The following GRID2 variants were observed in gnomAD, a reference collection of about 807,000 sequenced individuals.
GRID2 encodes glutamate ionotropic receptor delta type subunit 2, also known as glutamate receptor ionotropic, delta-2.
GRID2 carries 33 observed loss-of-function variants against 114.8 expected under a neutral mutation model. The ratio of observed to expected loss-of-function variants is 0.29; its 90% CI spans 0.22 to 0.38. GRID2 has a LOEUF of 0.38. Among genes scored for constraint, GRID2 ranks in the 10% least tolerant of loss-of-function variants. The pLI is 1.00. For missense variants in GRID2, 1,184 were observed against 1,257.7 expected, an observed-to-expected ratio of 0.94 and a Z score of 0.89; for synonymous variants, 505 against 449.9, an observed-to-expected ratio of 1.12 and a Z score of -1.55.
At chr4:92,922,402 T>C (rs1248205694) in intron 2 of GRID2, among the ~76,000 whole-genome samples, 2 of 151,998 alleles carry the variant, frequency 1.3e-5, no homozygotes, top group Non-Finnish European at 2.9e-5. Context: ...AGTACCTCAG[T>C]TGGAAATGCA....
chr4:93,678,203 G>T (rs568203616), intron 14 of GRID2, among the ~76,000 whole-genome samples: 1 of 152,238 alleles, frequency 6.6e-6, no homozygotes, highest in South Asian at 2.1e-4. Context: ...TGAATGAAAT[G>T]AAGCAAGAAG....
At chr4:93,808,827 T>G (rs963675362) in exon 2 of GRID2, 1 of 152,068 alleles carries the variant, frequency 6.6e-6, no homozygotes, top group Non-Finnish European at 1.5e-5. Flanking sequence ...CACCAGCCAT[T>G]CCAGGAAAGC....
chr4:92,940,647 G>T (rs1313545740), intron 2 of GRID2, among the ~76,000 whole-genome samples: 6 of 152,050 alleles, frequency 3.9e-5, no homozygotes, highest in Non-Finnish European at 7.4e-5. Context: ...TCTTGTGCCA[G>T]TTTTCAAAGG....
At chr4:92,732,708 T>C (rs1457361250) in intron 2 of GRID2, among the ~76,000 whole-genome samples, 1 of 152,108 alleles carries the variant, frequency 6.6e-6, no homozygotes, top group Non-Finnish European at 1.5e-5. Context: ...ATAGTGATAC[T>C]CCTTTCATCT....
chr4:93,011,758 GT>G (rs1341448384), intron 2 of GRID2, among the ~76,000 whole-genome samples: 1 of 152,030 alleles, frequency 6.6e-6, no homozygotes, highest in Non-Finnish European at 1.5e-5. Context: ...AGATGGCTTA[GT>G]TTTTATCCAC....
chr4:93,469,070 C>G (rs929732573), intron 11 of GRID2, among the ~76,000 whole-genome samples: 4 of 152,060 alleles, frequency 2.6e-5, no homozygotes, highest in African/African-American at 9.7e-5. Flanking sequence ...CACATGTTAA[C>G]AAGTAAATCA....
intron 1 of GRID2, among the ~76,000 whole-genome samples, chr4:92,360,747 A>T (rs907778526): frequency 2.0e-5 from 3 of 151,932 alleles, no homozygotes; most frequent in Non-Finnish European, 4.4e-5. Context: ...ATGGAAGACC[A>T]TATTGAGTCT....
At chr4:93,728,260 A>G (rs1039131259) in intron 14 of GRID2, among the ~76,000 whole-genome samples, 32 of 152,030 alleles carry the variant, frequency 2.1e-4, no homozygotes, top group African/African-American at 5.3e-4. Context: ...AGTCATTCAG[A>G]AGCAGGTTGT....
intron 1 of GRID2, among the ~76,000 whole-genome samples, chr4:92,436,531 T>A (rs561073399): frequency 6.6e-6 from 1 of 152,234 alleles, no homozygotes; most frequent in East Asian, 1.9e-4. Flanking sequence ...GTTTACATTT[T>A]TGAATTTGTT....
chr4:92,603,483 T>C (rs1729317784), intron 2 of GRID2, among the ~76,000 whole-genome samples: 1 of 152,148 alleles, frequency 6.6e-6, no homozygotes, highest in Admixed American at 6.5e-5. Flanking sequence ...CTGGGAAAAC[T>C]GGCCAGCCAT....
intron 2 of GRID2, among the ~76,000 whole-genome samples, chr4:92,987,685 T>C (rs1754594305): frequency 6.6e-6 from 1 of 152,108 alleles, no homozygotes; most frequent in African/African-American, 2.4e-5. Context: ...TTTCTTCTAA[T>C]GAGATGATAT....
intron 2 of GRID2, among the ~76,000 whole-genome samples, chr4:93,054,988 CACTG>C (rs781568868): frequency 2.3e-4 from 35 of 151,868 alleles, no homozygotes; most frequent in Admixed American, 1.3e-4. Context: ...AGTACTATGT[CACTG>C]ACTATTATCT....
chr4:92,959,793 G>C (rs919208133), intron 2 of GRID2, among the ~76,000 whole-genome samples: 21 of 152,014 alleles, frequency 1.4e-4, no homozygotes, highest in African/African-American at 4.3e-4. Context: ...TCATAAGTGG[G>C]AGATGAACAA....
intron 2 of GRID2, among the ~76,000 whole-genome samples, chr4:92,785,121 A>G (rs1169686660): frequency 6.7e-6 from 1 of 149,602 alleles, no homozygotes; most frequent in African/African-American, 2.4e-5. Flanking sequence ...AAAAATGATA[A>G]GTCTCTTAGT....
At chr4:93,029,862 C>A (rs768649020) in intron 2 of GRID2, among the ~76,000 whole-genome samples, 20 of 152,148 alleles carry the variant, frequency 1.3e-4, no homozygotes, top group Non-Finnish European at 2.2e-4. Flanking sequence ...AACTAACTTA[C>A]TGGGAGAGTG....
At chr4:92,643,029 G>A (rs549864962) in intron 2 of GRID2, among the ~76,000 whole-genome samples, 31 of 151,698 alleles carry the variant, frequency 2.0e-4, no homozygotes, top group Non-Finnish European at 3.7e-4. Flanking sequence ...GTTAAGTAAT[G>A]TGATGCATCT....
At chr4:93,670,792 A>G (rs1193209340) in intron 14 of GRID2, among the ~76,000 whole-genome samples, 1 of 152,204 alleles carries the variant, frequency 6.6e-6, no homozygotes, top group Non-Finnish European at 1.5e-5. Context: ...AAAAGAACCC[A>G]CTACTAATCT....
chr4:92,867,944 A>G (rs550864824), intron 2 of GRID2, among the ~76,000 whole-genome samples: 1 of 152,104 alleles, frequency 6.6e-6, no homozygotes, highest in African/African-American at 2.4e-5. Flanking sequence ...CCTGGGTCCC[A>G]TTTTCACAGT....
chr4:93,554,315 C>A (rs1446999431), intron 13 of GRID2, among the ~76,000 whole-genome samples: 6 of 152,088 alleles, frequency 3.9e-5, no homozygotes, highest in Non-Finnish European at 8.8e-5. Flanking sequence ...AGCTTTTATC[C>A]CAATTCTCAT....
Sources: allele counts gnomAD v4.1 joint callset (sites outside exome capture counted in the v4.1 genomes callset), GRCh38; gene constraint gnomAD v4.1.1; transcripts MANE v1.5; gene names NCBI Gene and HGNC (gene_info 2026-07-23, HGNC 2026-07-21).